C14orf132: variants seen among roughly 807,000 people sequenced by gnomAD.
C14orf132 encodes uncharacterized protein C14orf132.
Under a neutral mutation model 5.8 loss-of-function variants are expected in C14orf132, and 6 were observed. The observed-to-expected ratio is 1.03, with a 90% CI of 0.57 to 2.04. The LOEUF (loss-of-function observed/expected upper bound fraction) is 2.04. C14orf132 is among the 30% of genes most tolerant of loss of function. The probability of loss-of-function intolerance (pLI) is 0.00; values close to 1 mark genes in which losing one functional copy is unlikely to be tolerated. For synonymous variants in C14orf132, 51 were observed against 49.8 expected, an observed-to-expected ratio of 1.02 and a Z score of -0.10; for missense variants, 125 against 115.8, an observed-to-expected ratio of 1.08 and a Z score of -0.37.
intron 1 of C14orf132, among the ~76,000 whole-genome samples, chr14:96,056,129 T>A (rs1200163809): frequency 6.6e-6 from 1 of 152,250 alleles, no homozygotes; most frequent in Non-Finnish European, 1.5e-5. Flanking sequence ...CCTCTCAGAA[T>A]GCGGTGTAGG....
chr14:96,093,250 G>C lies in C14orf132; in HGVS notation c.*6515G>C, dbSNP rs766807257. 13 of 152,188 alleles carry C rather than the reference G, an allele frequency of 8.5e-5. No homozygotes were observed. The highest frequency in any genetic ancestry group is 1.6e-4 in the Non-Finnish European group (11 of 68,024). 9.4% of individuals were successfully genotyped at this position (152,188 alleles called of 1,614,324 possible). A position where few individuals can be genotyped will look rare whatever the true frequency, so the allele number is the denominator to read the frequency against. On this transcript the variant is annotated 3_prime_UTR_variant, in exon 2 of 2. Transcript: ENST00000555004. ...GGGACCCCCAGACTGGAGGGAGAAA[G>C]CCCTACAAAGTGGATGGGAGTGTGG...
rs544751420 is a variant in C14orf132 at position 96,093,379 on chromosome 14, T to A, written c.*6644T>A. 1 of 152,362 alleles carries A rather than the reference T, an allele frequency of 6.6e-6. No homozygotes were observed. Among genetic ancestry groups the A allele is most frequent in the East Asian group, 1.9e-4 (1 of 5,190 alleles). The allele number at this position is 152,362 out of a possible 1,614,324, so 9.4% of individuals were successfully genotyped here. The stretch of plus-strand genomic sequence containing the variant: ...GTATGCTTGGGGAAGAGCTTAGGAA[T>A]GGGGTGGGCATGGGAGTGCTGGGTA... On this transcript the variant is annotated 3_prime_UTR_variant, in exon 2 of 2. Transcript: ENST00000555004.
intron 1 of C14orf132, among the ~76,000 whole-genome samples, chr14:96,059,513 A>G (rs9788425): frequency 0.051 from 7,807 of 152,272 alleles, 251 homozygotes; most frequent in East Asian, 0.15. Context: ...ACAGGGAGCA[A>G]GTGGCAGAGG....
rs191248976 is a variant in C14orf132 at position 96,059,030 on chromosome 14, G to A, written c.27+19503G>A. ...TAATCCCAGCACTTTAGGAGGCTGA[G>A]GCGGGCAGATTGCTTGAGCTCAGGA... On this transcript the variant is annotated intron_variant, in intron 1 of 1. Coordinates refer to ENST00000555004, the MANE Select transcript of C14orf132 (RefSeq NM_001252507.3). Among the ~76,000 whole-genome samples the A allele has an allele frequency of 1.2e-3, 178 of 152,374 alleles. 1 individual carries two copies. Among genetic ancestry groups the A allele is most frequent in the Admixed American group, 9.9e-3 (152 of 15,308 alleles).
At chr14:96,045,450 AG>A (rs1188683551) in intron 1 of C14orf132, among the ~76,000 whole-genome samples, 1 of 151,772 alleles carries the variant, frequency 6.6e-6, no homozygotes, top group Non-Finnish European at 1.5e-5. Context: ...TCAGGTGGTG[AG>A]GGGGTGGGTG....
At chr14:96,061,742 C>T (rs1296710490) in intron 1 of C14orf132, among the ~76,000 whole-genome samples, 1 of 151,764 alleles carries the variant, frequency 6.6e-6, no homozygotes, top group Non-Finnish European at 1.5e-5. Flanking sequence ...CAGGGCGGGT[C>T]TCTACAAAAA....
chr14:96,082,202 GA>G (rs1381169612), intron 1 of C14orf132, among the ~76,000 whole-genome samples: 1 of 152,182 alleles, frequency 6.6e-6, no homozygotes, highest in Non-Finnish European at 1.5e-5. Context: ...ACTGGCGTGA[GA>G]AAACCCTGTT....
intron 1 of C14orf132, among the ~76,000 whole-genome samples, chr14:96,065,742 A>G (rs878870134): frequency 1.3e-5 from 2 of 151,798 alleles, no homozygotes; most frequent in Admixed American, 1.3e-4. Flanking sequence ...TTCCCCACCC[A>G]TCCTCCTAAG....
chr14:96,073,996 G>T (rs73343445), intron 1 of C14orf132, among the ~76,000 whole-genome samples: 1 of 152,140 alleles, frequency 6.6e-6, no homozygotes, highest in Admixed American at 6.5e-5. Context: ...ATGAAAACAC[G>T]TGGACACATG....
chr14:96,048,626 A>G (rs1348601912), intron 1 of C14orf132, among the ~76,000 whole-genome samples: 1 of 151,898 alleles, frequency 6.6e-6, no homozygotes, highest in Non-Finnish European at 1.5e-5. Flanking sequence ...CCCGGGTTCA[A>G]GTGATTCACC....
rs1888395435 is a variant in C14orf132, at chr14:96,091,224, C to T, written c.*4489C>T. On this transcript the variant is annotated 3_prime_UTR_variant, in exon 2 of 2. Transcript: ENST00000555004. Reference sequence around the variant, plus strand: ...GGATGGACCATCTCGGGATATGAGGCCTCGGAGGCTGGGGTTGAGATTTGG... The same window carrying T: ...GGATGGACCATCTCGGGATATGAGGTCTCGGAGGCTGGGGTTGAGATTTGG... The T allele has an allele frequency of 1.7e-5, 6 of 356,902 alleles. No homozygotes were observed. The highest frequency in any genetic ancestry group is 3.3e-5 in the Non-Finnish European group (6 of 182,110). 22.1% of individuals were successfully genotyped at this position (356,902 alleles called of 1,614,324 possible). A position where few individuals can be genotyped will look rare whatever the true frequency, so the allele number is the denominator to read the frequency against.
chr14:96,082,402 T>G (rs1888054596), intron 1 of C14orf132, among the ~76,000 whole-genome samples: 1 of 152,178 alleles, frequency 6.6e-6, no homozygotes, highest in Non-Finnish European at 1.5e-5. Flanking sequence ...TTCCAAATGA[T>G]GGAATTGAGA....
chr14:96,043,578 C>T (rs1460834432), intron 1 of C14orf132, among the ~76,000 whole-genome samples: 1 of 152,142 alleles, frequency 6.6e-6, no homozygotes, highest in Admixed American at 6.5e-5. Context: ...CTGCCCAGGT[C>T]TCACCTCCGA....
chr14:96,050,475 A>AT (rs1886995043), intron 1 of C14orf132, among the ~76,000 whole-genome samples: 3 of 152,040 alleles, frequency 2.0e-5, no homozygotes, highest in African/African-American at 7.2e-5. Context: ...ATTTTCTATA[A>AT]TTTTTTGGGT....
At chr14:96,073,448 T>C (rs990681790) in intron 1 of C14orf132, among the ~76,000 whole-genome samples, 6 of 152,236 alleles carry the variant, frequency 3.9e-5, no homozygotes, top group African/African-American at 1.2e-4. Context: ...TCAACCTCAC[T>C]GATCATTAGA....
In C14orf132 at chr14:96,090,251, A is replaced by C. The variant is rs1032252624; in HGVS notation, c.*3516A>C. 3 of 172,520 alleles carry C rather than the reference A, an allele frequency of 1.7e-5. No homozygotes were observed. The highest frequency in any genetic ancestry group is 3.7e-5 in the Non-Finnish European group (3 of 81,918). The allele number at this position is 172,520 out of a possible 1,614,324, so 10.7% of individuals were successfully genotyped here. ...TACAAAAAATACAAAAATTAACCAGACATTGTGGCATGTGCCTGTAATCCC... is the reference window on the plus strand; with the variant it reads ...TACAAAAAATACAAAAATTAACCAGCCATTGTGGCATGTGCCTGTAATCCC... On this transcript the variant is annotated 3_prime_UTR_variant, in exon 2 of 2. Transcript: ENST00000555004.
intron 1 of C14orf132, among the ~76,000 whole-genome samples, chr14:96,042,965 G>A (rs776263559): frequency 1.3e-5 from 2 of 152,218 alleles, no homozygotes; most frequent in East Asian, 1.9e-4. Context: ...GGGACAAGGC[G>A]AGAATCACAG....
chr14:96,060,591 A>G (rs1223228767), intron 1 of C14orf132, among the ~76,000 whole-genome samples: 1 of 152,160 alleles, frequency 6.6e-6, no homozygotes, highest in Admixed American at 6.5e-5. Flanking sequence ...CTGACAGAGT[A>G]GTGTCCTTCC....
At chr14:96,042,202 G>A (rs756315022) in intron 1 of C14orf132, among the ~76,000 whole-genome samples, 4 of 152,196 alleles carry the variant, frequency 2.6e-5, no homozygotes, top group African/African-American at 7.2e-5. Flanking sequence ...TCGAGATAGC[G>A]AAGTCCAGAA....
Sources: allele counts gnomAD v4.1 joint callset (sites outside exome capture counted in the v4.1 genomes callset), GRCh38; gene constraint gnomAD v4.1.1; transcripts MANE v1.5; gene names NCBI Gene and HGNC (gene_info 2026-07-23, HGNC 2026-07-21).